The following IPO5 variants were observed in gnomAD, a reference collection of about 807,000 sequenced individuals.
IPO5 encodes importin-5.
Under a neutral mutation model 143.3 loss-of-function variants are expected in IPO5, and 18 were observed. The ratio of observed to expected loss-of-function variants is 0.13; its 90% CI spans 0.09 to 0.19. IPO5 has a LOEUF of 0.19. IPO5 is among the 10% of genes least tolerant of loss of function. The pLI is 1.00. For missense variants in IPO5, 1,013 were observed against 1,336.9 expected (o/e 0.76, Z 3.78); for synonymous variants, 477 against 465.7 (o/e 1.02, Z -0.31).
chr13:98,010,575 A>G lies in IPO5; in HGVS notation c.2055+351A>G, dbSNP rs1256768331. Among the ~76,000 whole-genome samples, 4 of 152,212 alleles carry G rather than the reference A, an allele frequency of 2.6e-5. No homozygotes were observed. In the East Asian group the frequency reaches 7.7e-4, roughly 29 times the overall value. On this transcript the variant is annotated intron_variant, in intron 20 of 28. Coordinates refer to ENST00000651721, the MANE Select transcript of IPO5 (RefSeq NM_002271.6). ...GTAGGTGGCCATGGAATGTTTTTTA[A>G]ACAAATGAACAGAAGTGTGTTCATG... is the stretch of plus-strand genomic sequence containing the variant.
intron 2 of IPO5, chr13:97,960,239 C>G (rs1328736312): frequency 2.0e-5 from 3 of 152,104 alleles, no homozygotes; most frequent in Non-Finnish European, 4.4e-5. Context: ...GTCATGTGTC[C>G]AAATTGTAAG....
At chr13:98,003,071 T>C in intron 16 of IPO5, 34 bp downstream of exon 16, 1 of 1,533,976 alleles carries the variant, frequency 6.5e-7, no homozygotes, top group Non-Finnish European at 8.9e-7. Flanking sequence ...GCTTTCTGTT[T>C]GTAGATTAAT....
intron 2 of IPO5, among the ~76,000 whole-genome samples, chr13:97,964,554 T>C (rs761068013): frequency 8.6e-5 from 13 of 151,176 alleles, no homozygotes; most frequent in Non-Finnish European, 1.8e-4. Flanking sequence ...TTCATGCCAT[T>C]CTCCTGCCGA....
Position 98,006,277 on chromosome 13 carries a change from G to A in IPO5, c.1645G>A (p.Glu549Lys), listed in dbSNP as rs484770. The A allele has an allele frequency of 6.4e-7, 1 of 1,568,264 alleles. No homozygotes were observed. The highest frequency in any genetic ancestry group is 1.4e-5 in the African/African-American group (1 of 70,628). ...KHIVENAVQKELRLLRGKTIE... is the reference protein window; with the variant it reads ...KHIVENAVQKKLRLLRGKTIE... ...CATCGTTGAGAATGCGGTTCAAAAA[G>A]AACTGAGACTTCTGAGAGGAAAAAC... Residue 549 changes from glutamate to lysine, a missense_variant, in exon 17 of 29, where the codon GAA becomes AAA. By Grantham distance (56) the Glu-to-Lys change is moderately conservative (BLOSUM62 1). This residue lies in a region of IPO5 where 685 missense variants were observed against 994.9 expected (regional missense o/e 0.69). Coordinates refer to ENST00000651721, the MANE Select transcript of IPO5 (RefSeq NM_002271.6).
intron 26 of IPO5, 102 bp downstream of exon 26, chr13:98,018,806 G>C (rs1403246286): frequency 5.1e-6 from 4 of 781,098 alleles, no homozygotes; most frequent in Non-Finnish European, 8.3e-6. Context: ...GCCTATTTCT[G>C]CTGTAGTCTG....
intron 26 of IPO5, among the ~76,000 whole-genome samples, chr13:98,019,112 C>T (rs1890312632): frequency 6.6e-6 from 1 of 152,128 alleles, no homozygotes; most frequent in African/African-American, 2.4e-5. Flanking sequence ...GCCACCACGC[C>T]TGGCTAATTT....
chr13:97,976,602 C>T (rs1486995672), intron 3 of IPO5, 91 bp from the exon 4 acceptor site: 2 of 309,896 alleles, frequency 6.5e-6, no homozygotes, highest in Admixed American at 6.0e-5. Flanking sequence ...TGGTGCCGGT[C>T]CCCGCGCTGG....
At chr13:97,982,759 T>A (rs1294050948) in intron 5 of IPO5, among the ~76,000 whole-genome samples, 176 bp downstream of exon 5, 1 of 152,226 alleles carries the variant, frequency 6.6e-6, no homozygotes, top group East Asian at 1.9e-4. Context: ...TTTGAAGTAC[T>A]TTGTATTAAG....
intron 9 of IPO5, among the ~76,000 whole-genome samples, chr13:97,991,400 G>A (rs1457948015): frequency 1.3e-5 from 2 of 152,102 alleles, no homozygotes; most frequent in African/African-American, 4.8e-5. Flanking sequence ...AAAGATATTG[G>A]CAAGTCAAAC....
At chr13:98,009,025 TAGC>T (rs1889490864) in intron 18 of IPO5, among the ~76,000 whole-genome samples, 1 of 152,232 alleles carries the variant, frequency 6.6e-6, no homozygotes, top group Non-Finnish European at 1.5e-5. Context: ...GAGGGATACT[TAGC>T]AGACTGCTGA....
chr13:97,983,939 A>G (rs1188665710), intron 5 of IPO5, among the ~76,000 whole-genome samples: 1 of 138,622 alleles, frequency 7.2e-6, no homozygotes, highest in Admixed American at 7.4e-5. Context: ...GATGTCAAAT[A>G]TGAAGAACCC....
intron 4 of IPO5, among the ~76,000 whole-genome samples, chr13:97,979,269 A>C (rs1445553745): frequency 6.6e-6 from 1 of 152,226 alleles, no homozygotes; most frequent in Non-Finnish European, 1.5e-5. Flanking sequence ...TCGACACATA[A>C]ATACCAAACT....
intron 21 of IPO5, among the ~76,000 whole-genome samples, chr13:98,013,541 A>G (rs1889882494): frequency 1.3e-5 from 2 of 152,184 alleles, no homozygotes; most frequent in Admixed American, 1.3e-4. Flanking sequence ...ACTTCCCAGG[A>G]TGCCAGAGGA....
At chr13:98,000,111 C>T (rs991538623) in intron 12 of IPO5, among the ~76,000 whole-genome samples, 4 of 152,052 alleles carry the variant, frequency 2.6e-5, no homozygotes, top group Admixed American at 6.6e-5. Flanking sequence ...GGTGAAACCC[C>T]GTCTCTACTA....
chr13:98,003,327 A>G (rs1282735002), intron 16 of IPO5, among the ~76,000 whole-genome samples: 2 of 152,210 alleles, frequency 1.3e-5, no homozygotes, highest in African/African-American at 4.8e-5. Context: ...TGATTTATGT[A>G]AAGTGTGAAA....
chr13:98,006,481 T>C, intron 17 of IPO5, 133 bp downstream of exon 17: 1 of 568,956 alleles, frequency 1.8e-6, no homozygotes, highest in South Asian at 2.3e-5. Flanking sequence ...TTCATGCCAT[T>C]CTCCTGCCTC....
At position 97,988,248 on chromosome 13, in the gene IPO5, TC is replaced by T. The variant is rs559678868; in HGVS notation, c.365-812del. 7.3e-4 allele frequency: 113 copies of T among 154,308 alleles called. 1 individual carries two copies. The South Asian group carries it at 0.022, about 29-fold the overall frequency. The allele number at this position is 154,308 out of a possible 1,614,324, so 9.6% of individuals were successfully genotyped here. On this transcript the variant is annotated intron_variant, in intron 6 of 28. Coordinates refer to ENST00000651721, the MANE Select transcript of IPO5 (RefSeq NM_002271.6). ...TTAAATAGTAAACATATTAATAACATCCTCTGGCACTATTTGAACCAAACTG... is the reference window on the plus strand; with the variant it reads ...TTAAATAGTAAACATATTAATAACATCTCTGGCACTATTTGAACCAAACTG...
intron 5 of IPO5, among the ~76,000 whole-genome samples, chr13:97,983,320 C>T (rs1352998475): frequency 6.6e-6 from 1 of 152,058 alleles, no homozygotes; most frequent in East Asian, 1.9e-4. Context: ...ATAACCATCT[C>T]TGGATGAAGT....
intron 3 of IPO5, among the ~76,000 whole-genome samples, chr13:97,970,507 G>C (rs9517152): frequency 6.6e-6 from 1 of 152,118 alleles, no homozygotes; most frequent in Admixed American, 6.5e-5. Flanking sequence ...TGTAATCCCA[G>C]CTACTTGGGG....
Sources: gnomAD v4.1 joint callset for allele counts (sites outside exome capture counted in the v4.1 genomes callset) on GRCh38, gnomAD v4.1.1 for gene constraint, gnomAD v4.1.1 regional missense constraint, MANE v1.5 for transcripts, NCBI Gene and HGNC (gene_info 2026-07-23, HGNC 2026-07-21) for gene names.